The following SPATS2 variants were observed in gnomAD, a reference collection of about 807,000 sequenced individuals.
SPATS2 encodes the protein spermatogenesis-associated serine-rich protein 2.
In SPATS2, 38 loss-of-function variants were observed where a neutral mutation model predicts 63.7. The ratio of observed to expected loss-of-function variants is 0.60; its 90% CI spans 0.46 to 0.78. The LOEUF is 0.78. Among genes scored for constraint, SPATS2 ranks in the 30% least tolerant of loss-of-function variants. The pLI, the probability that SPATS2 is intolerant of heterozygous loss-of-function variation, is 0.00. For missense variants in SPATS2, 588 were observed against 666.2 expected, an observed-to-expected ratio of 0.88 and a Z score of 1.29; for synonymous variants, 207 against 232.9, an observed-to-expected ratio of 0.89 and a Z score of 1.01.
intron 2 of SPATS2, among the ~76,000 whole-genome samples, chr12:49,380,922 C>T (rs1944208184): frequency 6.8e-6 from 1 of 147,770 alleles, no homozygotes; most frequent in Non-Finnish European, 1.5e-5. Context: ...TCATAGTGTA[C>T]ATATAATAAT....
intron 9 of SPATS2, among the ~76,000 whole-genome samples, chr12:49,500,689 G>A (rs11830747): frequency 0.092 from 13,898 of 151,878 alleles, 749 homozygotes; most frequent in African/African-American, 0.14. Flanking sequence ...GGAGAATGGC[G>A]TGAACCCGGG....
chr12:49,412,917 G>A (rs1407631342), intron 2 of SPATS2, among the ~76,000 whole-genome samples: 1 of 152,040 alleles, frequency 6.6e-6, no homozygotes, highest in Admixed American at 6.6e-5. Context: ...CTTTTGCCAT[G>A]GTCAAATTAA....
chr12:49,440,361 T>C (rs1213386031), intron 2 of SPATS2, among the ~76,000 whole-genome samples: 2 of 152,210 alleles, frequency 1.3e-5, no homozygotes, highest in Non-Finnish European at 1.5e-5. Flanking sequence ...GCAGCCTCTT[T>C]TCTCCCGCTC....
At chr12:49,521,659 G>A (rs902666634) in intron 11 of SPATS2, among the ~76,000 whole-genome samples, 3 of 151,962 alleles carry the variant, frequency 2.0e-5, no homozygotes, top group African/African-American at 7.3e-5. Context: ...ACTGAAGTGG[G>A]TGCTGTGCAA....
chr12:49,384,434 A>C (rs958284032), intron 2 of SPATS2, among the ~76,000 whole-genome samples: 1 of 152,160 alleles, frequency 6.6e-6, no homozygotes, highest in African/African-American at 2.4e-5. Flanking sequence ...TTCCCCATAC[A>C]TGGTACTGTT....
At chr12:49,492,461 A>T (rs770363777) in intron 6 of SPATS2, among the ~76,000 whole-genome samples, 5 of 152,026 alleles carry the variant, frequency 3.3e-5, no homozygotes, top group Non-Finnish European at 7.4e-5. Context: ...ACCCCAAGTG[A>T]TCTGCGCACC....
chr12:49,483,366 T>G (rs1000086237), intron 3 of SPATS2, among the ~76,000 whole-genome samples: 1 of 151,986 alleles, frequency 6.6e-6, no homozygotes, highest in African/African-American at 2.4e-5. Context: ...CTGAGAAGGT[T>G]CTAAATAGTG....
chr12:49,482,186 A>C, intron 3 of SPATS2, among the ~76,000 whole-genome samples: 1 of 152,206 alleles, frequency 6.6e-6, no homozygotes, highest in East Asian at 1.9e-4. Context: ...ACCTCATGTC[A>C]TAGAATATAA....
chr12:49,501,740 G>A (rs755068040), intron 9 of SPATS2, among the ~76,000 whole-genome samples: 8 of 151,746 alleles, frequency 5.3e-5, no homozygotes, highest in East Asian at 1.9e-4. Context: ...TCAGCCTCCC[G>A]GAGTAGCTGG....
chr12:49,421,067 C>T (rs528578914), intron 2 of SPATS2, among the ~76,000 whole-genome samples: 17 of 152,164 alleles, frequency 1.1e-4, no homozygotes, highest in Non-Finnish European at 2.1e-4. Context: ...GCTTTTTCCA[C>T]CAGGAAAAAT....
intron 3 of SPATS2, among the ~76,000 whole-genome samples, chr12:49,464,502 C>G (rs894690328): frequency 3.3e-5 from 5 of 151,266 alleles, no homozygotes; most frequent in Non-Finnish European, 7.4e-5. Flanking sequence ...TGGTGCATGC[C>G]TGTAATCCCA....
intron 2 of SPATS2, among the ~76,000 whole-genome samples, chr12:49,451,023 T>C (rs1945614257): frequency 6.6e-6 from 1 of 151,192 alleles, no homozygotes; most frequent in African/African-American, 2.4e-5. Context: ...CGCCCACCAC[T>C]GTGCCCAGCT....
chr12:49,496,624 G>C (rs1355860971), intron 7 of SPATS2, among the ~76,000 whole-genome samples: 1 of 152,098 alleles, frequency 6.6e-6, no homozygotes, highest in Non-Finnish European at 1.5e-5. Context: ...TCTTCATTCC[G>C]GACGCCACTT....
intron 2 of SPATS2, among the ~76,000 whole-genome samples, chr12:49,458,220 C>T (rs1945753903): frequency 6.6e-6 from 1 of 152,070 alleles, no homozygotes; most frequent in Non-Finnish European, 1.5e-5. Flanking sequence ...TGTAATCCCA[C>T]ACTTCAGGAG....
At chr12:49,499,250 T>C (rs919242173) in intron 8 of SPATS2, among the ~76,000 whole-genome samples, 23 of 152,340 alleles carry the variant, frequency 1.5e-4, no homozygotes, top group African/African-American at 5.3e-4. Context: ...CAGCCTTTAG[T>C]CTAGAAATAA....
intron 2 of SPATS2, among the ~76,000 whole-genome samples, chr12:49,374,633 G>C (rs901257251): frequency 1.3e-5 from 2 of 152,076 alleles, no homozygotes; most frequent in Non-Finnish European, 1.5e-5. Context: ...GGTAACTTCT[G>C]CAGCCATTGT....
At chr12:49,476,183 G>A (rs1021070568) in intron 3 of SPATS2, among the ~76,000 whole-genome samples, 14 of 152,122 alleles carry the variant, frequency 9.2e-5, no homozygotes, top group East Asian at 7.7e-4. Context: ...ACGTGGAGAG[G>A]AGCACGTCAG....
At chr12:49,410,501 C>A (rs143893673) in intron 2 of SPATS2, among the ~76,000 whole-genome samples, 10 of 152,272 alleles carry the variant, frequency 6.6e-5, no homozygotes, top group Non-Finnish European at 1.5e-4. Context: ...CCACATCATA[C>A]TTACTATCTA....
rs2138115938 is a variant in SPATS2, at chr12:49,526,914, A to G, written c.*659A>G. The G allele has an allele frequency of 6.6e-6, 1 of 151,818 alleles. No homozygotes were observed. The highest frequency in any genetic ancestry group is 2.1e-4 in the South Asian group (1 of 4,804). The allele number at this position is 151,818 out of a possible 1,614,324, so 9.4% of individuals were successfully genotyped here. ...AACCAGTCTAGGGAAGTCTATGAGA[A>G]AGTAGCATTTAATTAAAGTTTAAAA... is the stretch of plus-strand genomic sequence containing the variant. On this transcript the variant is annotated 3_prime_UTR_variant, in exon 14 of 14. Coordinates refer to ENST00000552918, the MANE Select transcript of SPATS2 (RefSeq NM_023071.4).
Sources: gnomAD v4.1 joint callset for allele counts (sites outside exome capture counted in the v4.1 genomes callset) on GRCh38, gnomAD v4.1.1 for gene constraint, MANE v1.5 for transcripts, NCBI Gene and HGNC (gene_info 2026-07-23, HGNC 2026-07-21) for gene names.